The following EPHA6 variants were observed in gnomAD, a reference collection of about 807,000 sequenced individuals.
EPHA6 encodes the protein EPH receptor A6.
A neutral mutation model predicts 112.0 loss-of-function variants in EPHA6; 50 were observed. The ratio of observed to expected loss-of-function variants is 0.45; its 90% CI spans 0.36 to 0.56. EPHA6 has a LOEUF of 0.56. Ranked by LOEUF, EPHA6 falls within the 20% of genes least tolerant of loss-of-function variation. The pLI, the probability that EPHA6 is intolerant of heterozygous loss-of-function variation, is 0.00. For synonymous variants in EPHA6, 529 were observed against 490.7 expected (o/e 1.08, Z -1.03); for missense variants, 1,280 against 1,417.4 (o/e 0.90, Z 1.56).
intron 2 of EPHA6, among the ~76,000 whole-genome samples, chr3:96,942,384 G>A (rs775571133): frequency 9.2e-5 from 14 of 152,148 alleles, no homozygotes; most frequent in Non-Finnish European, 1.5e-4. Context: ...AGCAATCAGC[G>A]TGACTCCGTG....
At chr3:96,927,443 T>G (rs2040097391) in intron 2 of EPHA6, among the ~76,000 whole-genome samples, 1 of 152,246 alleles carries the variant, frequency 6.6e-6, no homozygotes, top group African/African-American at 2.4e-5. Context: ...TCTATCACAT[T>G]GTCAGGCTGC....
rs1230435877 is a variant in EPHA6 at position 97,378,206 on chromosome 3, G to C, written c.1607-26944G>C. On this transcript the variant is annotated intron_variant, in intron 5 of 17. Transcript: ENST00000389672. Reference sequence around the variant, plus strand: ...CATGGCTGAAAAGTGCCACCACAGAGCTCAGTCTGTGGCTTCAGAGGATGC... The same window carrying C: ...CATGGCTGAAAAGTGCCACCACAGACCTCAGTCTGTGGCTTCAGAGGATGC... 5.3e-5 allele frequency among the ~76,000 whole-genome samples: 8 copies of C among 152,142 alleles called. No individual in the cohort carries two copies. The South Asian group carries it at 1.7e-3, about 32-fold the overall frequency.
chr3:97,318,252 A>G (rs2081938529), intron 5 of EPHA6, among the ~76,000 whole-genome samples: 1 of 152,048 alleles, frequency 6.6e-6, no homozygotes, highest in South Asian at 2.1e-4. Flanking sequence ...GAAGACTCCT[A>G]AAAAACCTAA....
chr3:97,338,471 TCTTA>T (rs2083160088), intron 5 of EPHA6, among the ~76,000 whole-genome samples: 1 of 152,092 alleles, frequency 6.6e-6, no homozygotes, highest in Non-Finnish European at 1.5e-5. Context: ...CCCCTAGAGC[TCTTA>T]CTTGAATTCC....
At chr3:96,944,409 A>C (rs927999948) in intron 2 of EPHA6, among the ~76,000 whole-genome samples, 3 of 151,610 alleles carry the variant, frequency 2.0e-5, no homozygotes, top group African/African-American at 7.3e-5. Flanking sequence ...TATATGGTCC[A>C]TATGATCTTA....
chr3:96,993,215 C>A (rs542415295), intron 3 of EPHA6, among the ~76,000 whole-genome samples: 4 of 151,798 alleles, frequency 2.6e-5, no homozygotes, highest in African/African-American at 9.7e-5. Context: ...GCCACACAGT[C>A]GTAACTAATG....
intron 10 of EPHA6, among the ~76,000 whole-genome samples, chr3:97,510,963 C>G (rs2092353478): frequency 6.6e-6 from 1 of 152,232 alleles, no homozygotes; most frequent in East Asian, 1.9e-4. Flanking sequence ...CCAGTTTACA[C>G]TTCCCAGCAG....
At chr3:97,144,360 G>A (rs2075986590) in intron 3 of EPHA6, among the ~76,000 whole-genome samples, 1 of 151,118 alleles carries the variant, frequency 6.6e-6, no homozygotes, top group African/African-American at 2.4e-5. Context: ...ACAATTATAT[G>A]GATCAATAGG....
chr3:97,684,009 G>A (rs114424372), intron 14 of EPHA6, among the ~76,000 whole-genome samples: 5,382 of 152,160 alleles, frequency 0.035, 126 homozygotes, highest in Middle Eastern at 0.068. Flanking sequence ...ACACACTTAG[G>A]TGCTGCTTGA....
chr3:97,022,855 A>C (rs998446356), intron 3 of EPHA6, among the ~76,000 whole-genome samples: 5 of 152,220 alleles, frequency 3.3e-5, no homozygotes, highest in Non-Finnish European at 7.3e-5. Context: ...TGATCCTAGC[A>C]TACCTTTTCT....
chr3:96,943,239 T>G (rs2041075010), intron 2 of EPHA6, among the ~76,000 whole-genome samples: 1 of 152,186 alleles, frequency 6.6e-6, no homozygotes, highest in Admixed American at 6.5e-5. Context: ...ATCTGCTACC[T>G]ATTGTATTCT....
At chr3:97,081,564 T>C (rs1260358242) in intron 3 of EPHA6, among the ~76,000 whole-genome samples, 4 of 151,848 alleles carry the variant, frequency 2.6e-5, no homozygotes, top group Admixed American at 6.6e-5. Flanking sequence ...GACACACTTA[T>C]ACAGTTCTGG....
intron 5 of EPHA6, among the ~76,000 whole-genome samples, chr3:97,328,829 A>G (rs2082619111): frequency 6.6e-6 from 1 of 151,966 alleles, no homozygotes; most frequent in South Asian, 2.1e-4. Context: ...TATTATTATT[A>G]TTGTACTTTA....
intron 2 of EPHA6, among the ~76,000 whole-genome samples, chr3:96,901,098 A>G (rs1575974554): frequency 6.6e-6 from 1 of 152,196 alleles, no homozygotes; most frequent in East Asian, 1.9e-4. Flanking sequence ...TGTATAAATT[A>G]TGACATTTGG....
At chr3:97,162,261 G>T (rs573277017) in intron 3 of EPHA6, among the ~76,000 whole-genome samples, 6 of 152,128 alleles carry the variant, frequency 3.9e-5, no homozygotes, top group Non-Finnish European at 7.4e-5. Flanking sequence ...ATTGCTTCTG[G>T]TTTACAATTT....
At chr3:97,732,607 A>G (rs2035086044) in intron 15 of EPHA6, among the ~76,000 whole-genome samples, 2 of 152,036 alleles carry the variant, frequency 1.3e-5, no homozygotes, top group Admixed American at 6.6e-5. Flanking sequence ...AAAAAATATA[A>G]GTTTCTTCTT....
intron 10 of EPHA6, among the ~76,000 whole-genome samples, chr3:97,528,235 A>G (rs1042676505): frequency 6.6e-6 from 1 of 152,092 alleles, no homozygotes; most frequent in African/African-American, 2.4e-5. Context: ...ATTATTTCCA[A>G]TAGGGGAATA....
intron 10 of EPHA6, among the ~76,000 whole-genome samples, chr3:97,495,985 T>C (rs1410903815): frequency 6.6e-6 from 1 of 152,178 alleles, no homozygotes; most frequent in African/African-American, 2.4e-5. Context: ...ACCCCTTGCA[T>C]TTCATCAGTC....
At chr3:97,353,186 A>C (rs1486951904) in intron 5 of EPHA6, among the ~76,000 whole-genome samples, 1 of 151,932 alleles carries the variant, frequency 6.6e-6, no homozygotes, top group African/African-American at 2.4e-5. Context: ...AGCCAGGGCC[A>C]TGCTGGCTTC....
Sources: gnomAD v4.1 joint callset for allele counts (sites outside exome capture counted in the v4.1 genomes callset) on GRCh38, gnomAD v4.1.1 for gene constraint, MANE v1.5 for transcripts, NCBI Gene and HGNC (gene_info 2026-07-23, HGNC 2026-07-21) for gene names.